Variants in UGT1A7 observed in about 807,000 individuals in gnomAD.
UGT1A7 encodes UDP-glucuronosyltransferase 1A7.
In UGT1A7, 33 loss-of-function variants were observed where a neutral mutation model predicts 45.6. That is an observed-to-expected ratio of 0.72 (90% CI 0.55 to 0.97). The LOEUF is 0.97. Ranked by LOEUF, UGT1A7 falls within the 50% of genes least tolerant of loss-of-function variation. The pLI, the probability that UGT1A7 is intolerant of heterozygous loss-of-function variation, is 0.00. For synonymous variants in UGT1A7, 274 were observed against 250.6 expected, an observed-to-expected ratio of 1.09 and a Z score of -0.88; for missense variants, 684 against 666.2, an observed-to-expected ratio of 1.03 and a Z score of -0.29.
At chr2:233,735,180 T>C (rs1028765761) in intron 1 of UGT1A7, among the ~76,000 whole-genome samples, 1 of 148,186 alleles carries the variant, frequency 6.7e-6, no homozygotes, top group Non-Finnish European at 1.5e-5. Flanking sequence ...AGAACTTGCT[T>C]TATGAATCTA....
At chr2:233,705,329 T>C (rs1353705236) in intron 1 of UGT1A7, among the ~76,000 whole-genome samples, 3 of 152,204 alleles carry the variant, frequency 2.0e-5, no homozygotes, top group Non-Finnish European at 4.4e-5. Context: ...AGCAACACAT[T>C]CTCTCAATTT....
chr2:233,767,774 T>C lies in UGT1A7; in HGVS notation c.988-75T>C, dbSNP rs749703763. On this transcript the variant is annotated intron_variant, in intron 2 of 4. Transcript: ENST00000373426. ...GTTCCTTCAGAGGACCCCTGTTTTC[T>C]AGTTAGTATAGCAGATTTGTTTTCT... The C allele has an allele frequency of 2.2e-5, 36 of 1,612,214 alleles. No homozygotes were observed. In the South Asian group the frequency reaches 3.9e-4, roughly 17 times the overall value.
intron 1 of UGT1A7, among the ~76,000 whole-genome samples, chr2:233,687,473 A>G (rs1484827948): frequency 6.6e-6 from 1 of 151,782 alleles, no homozygotes; most frequent in East Asian, 1.9e-4. Context: ...CATTATTGGC[A>G]GACCTATTTT....
intron 1 of UGT1A7, chr2:233,755,161 C>A (rs1553619056): frequency 1.5e-6 from 2 of 1,292,236 alleles, no homozygotes; most frequent in East Asian, 4.6e-5. Context: ...TCCCTGTCCT[C>A]GGGGTTTTTG....
In UGT1A7 at chr2:233,769,701, C is replaced by A. The variant is rs2126047704; in HGVS notation, c.1295+1262C>A. 1 of 1,525,142 alleles carries A rather than the reference C, an allele frequency of 6.6e-7. No homozygotes were observed. The highest frequency in any genetic ancestry group is 2.0e-5 in the Admixed American group (1 of 50,446). 94.5% of individuals were successfully genotyped at this position (1,525,142 alleles called of 1,614,324 possible). On this transcript the variant is annotated intron_variant, in intron 4 of 4. Transcript: ENST00000373426. This position sits in a 1 kb window ranked among gnomAD's most constrained non-coding sequence, Gnocchi z 4.4. ...TGTGTGGTGGCACTGGATAAAAGAT[C>A]AATGTTGGCTAGGCACCATGGCACA...
At chr2:233,750,281 G>C (rs1417802179) in intron 1 of UGT1A7, among the ~76,000 whole-genome samples, 1 of 151,952 alleles carries the variant, frequency 6.6e-6, no homozygotes, top group Non-Finnish European at 1.5e-5. Context: ...CAAAGAGACT[G>C]GTGGCATTTT....
chr2:233,750,088 A>G (rs1694357041), intron 1 of UGT1A7, among the ~76,000 whole-genome samples: 1 of 151,928 alleles, frequency 6.6e-6, no homozygotes, highest in South Asian at 2.1e-4. Context: ...AGGTTGGAAC[A>G]GTTTGGAGAG....
chr2:233,732,326 T>G (rs2078260709), intron 1 of UGT1A7, among the ~76,000 whole-genome samples: 1 of 152,270 alleles, frequency 6.6e-6, no homozygotes, highest in African/African-American at 2.4e-5. Flanking sequence ...TGGCTTTTGT[T>G]GCCATTGCTT....
chr2:233,691,775 C>A, intron 1 of UGT1A7: 1 of 320,452 alleles, frequency 3.1e-6, no homozygotes, highest in Non-Finnish European at 4.5e-6. Context: ...GGATTCTCAC[C>A]ACGTACTGGC....
chr2:233,736,909 G>T (rs1037857066), intron 1 of UGT1A7, among the ~76,000 whole-genome samples: 5 of 152,172 alleles, frequency 3.3e-5, no homozygotes, highest in Non-Finnish European at 1.5e-5. Flanking sequence ...TCCTCTGGAA[G>T]CTTCATACCA....
At chr2:233,763,692 T>G (rs28900398) in intron 1 of UGT1A7, among the ~76,000 whole-genome samples, 3,195 of 152,308 alleles carry the variant, frequency 0.021, 100 homozygotes, top group African/African-American at 0.073. Context: ...GATAAAACTT[T>G]TATTGCACAA....
chr2:233,694,007 C>T (rs1054591616), intron 1 of UGT1A7: 26 of 1,457,592 alleles, frequency 1.8e-5, no homozygotes, highest in African/African-American at 8.5e-5. Context: ...CTCGGAGCAG[C>T]GGGAACACAT....
chr2:233,749,365 C>A (rs540660100), intron 1 of UGT1A7, among the ~76,000 whole-genome samples: 4 of 151,824 alleles, frequency 2.6e-5, no homozygotes, highest in Admixed American at 1.3e-4. Context: ...GTGACTCTTG[C>A]CCTTTTCTTC....
chr2:233,746,424 C>G (rs1693388244), intron 1 of UGT1A7, among the ~76,000 whole-genome samples: 1 of 151,702 alleles, frequency 6.6e-6, no homozygotes, highest in African/African-American at 2.4e-5. Flanking sequence ...GACCTATTAA[C>G]TTATGTCTTC....
At chr2:233,743,050 C>T (rs577515653) in intron 1 of UGT1A7, 59 of 318,104 alleles carry the variant, frequency 1.9e-4, no homozygotes, top group South Asian at 1.5e-3. Flanking sequence ...CCGTGTAGTC[C>T]CAACGATAAG....
At chr2:233,746,133 C>A (rs1693313600) in intron 1 of UGT1A7, among the ~76,000 whole-genome samples, 1 of 151,790 alleles carries the variant, frequency 6.6e-6, no homozygotes, top group African/African-American at 2.4e-5. Context: ...TGTGGACTGG[C>A]ACCTGAGTGA....
intron 1 of UGT1A7, chr2:233,740,675 C>T (rs946709661): frequency 1.3e-5 from 2 of 151,760 alleles, no homozygotes; most frequent in African/African-American, 2.4e-5. Flanking sequence ...CAGGTGTTTC[C>T]ATGGAGGGTG....
intron 1 of UGT1A7, among the ~76,000 whole-genome samples, chr2:233,741,256 C>T (rs1347287188): frequency 6.6e-6 from 1 of 151,868 alleles, no homozygotes; most frequent in Non-Finnish European, 1.5e-5. Context: ...GTATGCCACT[C>T]TTTGCTGACC....
intron 1 of UGT1A7, chr2:233,748,135 T>A (rs1220195478): frequency 6.8e-6 from 11 of 1,609,160 alleles, no homozygotes; most frequent in Admixed American, 3.3e-5. Context: ...TTTTTAAAAA[T>A]TGTATTTACT....
Sources: gnomAD v4.1 joint callset for allele counts (sites outside exome capture counted in the v4.1 genomes callset) on GRCh38, gnomAD v4.1.1 for gene constraint, Gnocchi (gnomAD v3.1) non-coding constraint, MANE v1.5 for transcripts, NCBI Gene and HGNC (gene_info 2026-07-23, HGNC 2026-07-21) for gene names.